The following CDC73 variants were observed in gnomAD, a reference collection of about 807,000 sequenced individuals.
CDC73 encodes the protein parafibromin.
A neutral mutation model predicts 83.7 loss-of-function variants in CDC73; 21 were observed. The ratio of observed to expected loss-of-function variants is 0.25; its 90% CI spans 0.18 to 0.36. The LOEUF (loss-of-function observed/expected upper bound fraction) is 0.36, where lower values mean the gene tolerates loss of function less well. CDC73 is among the 10% of genes least tolerant of loss of function. CDC73 has a pLI of 1.00. For synonymous variants in CDC73, 224 were observed against 212.9 expected (o/e 1.05, Z -0.45); for missense variants, 342 against 653.3 (o/e 0.52, Z 5.19).
intron 2 of CDC73, among the ~76,000 whole-genome samples, chr1:193,127,228 C>G (rs930736553): frequency 2.0e-5 from 3 of 151,334 alleles, no homozygotes; most frequent in Non-Finnish European, 2.9e-5. Flanking sequence ...AAGCCATGAT[C>G]ACACCAATGC....
intron 13 of CDC73, among the ~76,000 whole-genome samples, chr1:193,230,323 ATATT>A (rs1677639187): frequency 6.6e-6 from 1 of 151,632 alleles, no homozygotes; most frequent in South Asian, 2.1e-4. Flanking sequence ...CAATTTTTGT[ATATT>A]TAGTAGAGAC....
chr1:193,139,296 C>T (rs1054086257), intron 6 of CDC73, among the ~76,000 whole-genome samples: 4 of 150,178 alleles, frequency 2.7e-5, no homozygotes, highest in Admixed American at 1.3e-4. Context: ...GACGGAGTTT[C>T]GCTCTTGTGA....
intron 12 of CDC73, 57 bp downstream of exon 12, chr1:193,212,157 C>G (rs958834428): frequency 2.5e-5 from 34 of 1,361,162 alleles, no homozygotes; most frequent in Admixed American, 2.0e-5. Context: ...ATTGCAAAAC[C>G]AGGCCTGATA....
intron 13 of CDC73, among the ~76,000 whole-genome samples, chr1:193,221,721 A>G (rs750729986): frequency 1.3e-5 from 2 of 152,208 alleles, no homozygotes; most frequent in Non-Finnish European, 2.9e-5. Flanking sequence ...CTTGTTTACT[A>G]CAGAGAAACC....
intron 15 of CDC73, among the ~76,000 whole-genome samples, chr1:193,240,445 C>G (rs1055095344): frequency 2.0e-5 from 3 of 152,138 alleles, no homozygotes; most frequent in Non-Finnish European, 4.4e-5. Context: ...TACTGTTTGC[C>G]ATAGTGGCTC....
intron 3 of CDC73, among the ~76,000 whole-genome samples, chr1:193,133,083 A>G (rs958278038): frequency 2.6e-5 from 4 of 151,442 alleles, no homozygotes; most frequent in Admixed American, 6.6e-5. Flanking sequence ...TTGTATTTTT[A>G]GTAGAGACCG....
chr1:193,181,164 A>G, intron 10 of CDC73: 2 of 1,613,936 alleles, frequency 1.2e-6, no homozygotes, highest in Non-Finnish European at 1.7e-6. Flanking sequence ...TGAAATGGTA[A>G]GAATTTGGAT....
intron 10 of CDC73, among the ~76,000 whole-genome samples, chr1:193,176,750 G>C (rs1220463207): frequency 1.3e-5 from 2 of 152,134 alleles, no homozygotes; most frequent in Non-Finnish European, 2.9e-5. Flanking sequence ...CAAATAGTCT[G>C]GATGAACTGG....
At chr1:193,240,542 C>T (rs151155826) in intron 15 of CDC73, among the ~76,000 whole-genome samples, 2 of 152,224 alleles carry the variant, frequency 1.3e-5, no homozygotes, top group Non-Finnish European at 2.9e-5. Flanking sequence ...TTAGTAATAA[C>T]CCTTCTAATT....
Position 193,152,389 on chromosome 1 carries a change from G to T in CDC73, c.917G>T (p.Gly306Val). 1 of 1,608,828 alleles carries T rather than the reference G, an allele frequency of 6.2e-7. No homozygotes were observed. The highest frequency in any genetic ancestry group is 8.5e-7 in the Non-Finnish European group (1 of 1,175,568). The change falls in exon 10 of 17, where the codon GGC (glycine) becomes GTC (valine). Residue 306 changes from glycine (G) to valine (V), a missense_variant. Transcript: ENST00000367435. ...CTCTTTTTTTTCGTAGAAACGGAAG[G>T]CTTCAAAATTGACACTATGGGAACC... ...ERFKGKEETE[G>V]FKIDTMGTYH...
chr1:193,166,482 A>G (rs1046631486), intron 10 of CDC73, among the ~76,000 whole-genome samples: 11 of 152,150 alleles, frequency 7.2e-5, no homozygotes, highest in Non-Finnish European at 1.0e-4. Context: ...TTTAGTCTAC[A>G]GTGATTTAAA....
intron 10 of CDC73, chr1:193,181,176 T>C (rs1425446394): frequency 1.9e-6 from 3 of 1,613,772 alleles, no homozygotes; most frequent in East Asian, 2.2e-5. Flanking sequence ...AATTTGGATG[T>C]CCAGTACCTT....
At chr1:193,165,561 A>G (rs1157464838) in intron 10 of CDC73, among the ~76,000 whole-genome samples, 3 of 152,266 alleles carry the variant, frequency 2.0e-5, no homozygotes, top group African/African-American at 7.2e-5. Context: ...ATAAATGCAA[A>G]GCATGAAATA....
At chr1:193,144,525 G>A (rs957440834) in intron 7 of CDC73, among the ~76,000 whole-genome samples, 1 of 152,142 alleles carries the variant, frequency 6.6e-6, no homozygotes, top group Non-Finnish European at 1.5e-5. Context: ...CACAATCAAT[G>A]GTTGGTAAAA....
intron 2 of CDC73, among the ~76,000 whole-genome samples, chr1:193,126,987 G>T (rs569507010): frequency 1.3e-5 from 2 of 152,218 alleles, no homozygotes; most frequent in Non-Finnish European, 2.9e-5. Flanking sequence ...CTAAAAGCCA[G>T]GTGTGGTGGT....
chr1:193,140,475 G>T (rs1675885750), intron 6 of CDC73, among the ~76,000 whole-genome samples: 1 of 152,212 alleles, frequency 6.6e-6, no homozygotes, highest in South Asian at 2.1e-4. Context: ...GCCAAGGAGT[G>T]CCAAGGTCAC....
intron 9 of CDC73, 83 bp from the exon 10 acceptor site, chr1:193,152,297 G>T: frequency 1.2e-6 from 1 of 844,364 alleles, no homozygotes; most frequent in Non-Finnish European, 2.0e-6. Flanking sequence ...CACATTCAAT[G>T]TAGATTATTA....
intron 10 of CDC73, among the ~76,000 whole-genome samples, chr1:193,176,960 G>T (rs1214363721): frequency 6.6e-6 from 1 of 152,154 alleles, no homozygotes; most frequent in Non-Finnish European, 1.5e-5. Context: ...TGTATGTTTT[G>T]CAATGGTTCT....
intron 10 of CDC73, among the ~76,000 whole-genome samples, chr1:193,192,007 A>G (rs1676927965): frequency 1.3e-5 from 2 of 152,234 alleles, no homozygotes; most frequent in Admixed American, 6.5e-5. Flanking sequence ...AGTATAACAA[A>G]CAATTTGTAA....
Sources: allele counts gnomAD v4.1 joint callset (sites outside exome capture counted in the v4.1 genomes callset), GRCh38; gene constraint gnomAD v4.1.1; transcripts MANE v1.5; gene names NCBI Gene and HGNC (gene_info 2026-07-23, HGNC 2026-07-21).